Variants in KCNMA1 observed in about 807,000 individuals in gnomAD.
KCNMA1 encodes Calcium-activated potassium channel subunit alpha-1.
A neutral mutation model predicts 140.0 loss-of-function variants in KCNMA1; 29 were observed. The observed-to-expected ratio is 0.21, with a 90% CI of 0.15 to 0.28. The LOEUF (loss-of-function observed/expected upper bound fraction) is 0.28. Ranked by LOEUF, KCNMA1 falls within the 10% of genes least tolerant of loss-of-function variation. The pLI, the probability that KCNMA1 is intolerant of heterozygous loss-of-function variation, is 1.00. For synonymous variants in KCNMA1, 612 were observed against 611.9 expected (o/e 1.00, Z 0.00); for missense variants, 880 against 1,602.2 (o/e 0.55, Z 7.70).
intron 1 of KCNMA1, among the ~76,000 whole-genome samples, chr10:77,506,520 TAG>T (rs1328594847): frequency 1.6e-5 from 2 of 125,782 alleles, no homozygotes; most frequent in Non-Finnish European, 3.3e-5. Context: ...GAGAGAGAGT[TAG>T]AGAGAGACAG....
intron 1 of KCNMA1, among the ~76,000 whole-genome samples, chr10:77,434,423 T>C (rs200851057): frequency 1.3e-5 from 2 of 152,164 alleles, no homozygotes; most frequent in Admixed American, 6.5e-5. Context: ...ACACCATCCC[T>C]GAGAGAACCA....
chr10:77,038,597 T>C (rs1385935556), intron 15 of KCNMA1, among the ~76,000 whole-genome samples: 18 of 152,154 alleles, frequency 1.2e-4, no homozygotes, highest in Non-Finnish European at 1.5e-5. Flanking sequence ...TGGAATGCAG[T>C]TGCGTAATCA....
chr10:77,605,044 A>G (rs1364978833), intron 1 of KCNMA1, among the ~76,000 whole-genome samples: 3 of 152,252 alleles, frequency 2.0e-5, no homozygotes. Flanking sequence ...AAACAGCCAT[A>G]AAACCCGCAG....
At position 76,913,981 on chromosome 10, in the gene KCNMA1, C is replaced by T. The variant is rs1018840774; in HGVS notation, c.3016+955G>A. On this transcript the variant is annotated intron_variant, in intron 24 of 27. Coordinates refer to ENST00000286628, the MANE Select transcript of KCNMA1 (RefSeq NM_001161352.2). ...TCTGTTACAGCCGGTGAAATAAAAA[C>T]AAGCTGATGATAGTTGGAAACACCA... 5 of 1,124,864 alleles carry T rather than the reference C, an allele frequency of 4.4e-6. No homozygotes were observed. The African/African-American group carries it at 7.8e-5, about 18-fold the overall frequency. 69.7% of individuals were successfully genotyped at this position (1,124,864 alleles called of 1,614,324 possible). A position where few individuals can be genotyped will look rare whatever the true frequency, so the allele number is the denominator to read the frequency against.
intron 1 of KCNMA1, among the ~76,000 whole-genome samples, chr10:77,473,965 C>A (rs572755407): frequency 1.1e-3 from 167 of 152,274 alleles, no homozygotes; most frequent in Non-Finnish European, 2.1e-3. Context: ...TGAACAGGTG[C>A]GCTCCTCCTC....
chr10:77,614,661 G>A lies in KCNMA1; in HGVS notation c.378+22604C>T, dbSNP rs188338439. Reference sequence around the variant, plus strand: ...CTACATGTAATGGAAACTGAGGCATGAGGAGGGTAGACAACTTGCCCAAGA... The same window carrying A: ...CTACATGTAATGGAAACTGAGGCATAAGGAGGGTAGACAACTTGCCCAAGA... On this transcript the variant is annotated intron_variant, in intron 1 of 27. Transcript: ENST00000286628. Among the ~76,000 whole-genome samples, 7 of 152,324 alleles carry A rather than the reference G, an allele frequency of 4.6e-5. 1 individual carries two copies. Among genetic ancestry groups the A allele is most frequent in the Non-Finnish European group, 1.0e-4 (7 of 68,030 alleles).
chr10:76,951,953 G>C, intron 21 of KCNMA1: 2 of 1,289,264 alleles, frequency 1.6e-6, no homozygotes, highest in Non-Finnish European at 2.2e-6. Flanking sequence ...CCAGTAACTA[G>C]AATGGTGTGT....
Position 76,886,345 on chromosome 10 carries a change from A to T in KCNMA1, c.*921T>A. Reference sequence around the variant, plus strand: ...AGGTAAGTAATTCACCTTTTAAAAGATGTAAAAGTCCCAGGAAGGCAGTTT... The same window carrying T: ...AGGTAAGTAATTCACCTTTTAAAAGTTGTAAAAGTCCCAGGAAGGCAGTTT... On this transcript the variant is annotated 3_prime_UTR_variant, in exon 28 of 28. Transcript: ENST00000286628. 2.0e-6 allele frequency: 2 copies of T among 985,038 alleles called. No individual in the cohort carries two copies. The highest frequency in any genetic ancestry group is 2.4e-6 in the Non-Finnish European group (2 of 829,602). 61.0% of individuals were successfully genotyped at this position (985,038 alleles called of 1,614,324 possible). A position where few individuals can be genotyped will look rare whatever the true frequency, so the allele number is the denominator to read the frequency against.
chr10:77,233,900 A>G (rs1314788824), intron 3 of KCNMA1, among the ~76,000 whole-genome samples: 1 of 152,174 alleles, frequency 6.6e-6, no homozygotes, highest in African/African-American at 2.4e-5. Flanking sequence ...ACCAGGGATC[A>G]TGGCAGGTTA....
chr10:77,049,486 AACT>A (rs1444474480), intron 14 of KCNMA1, among the ~76,000 whole-genome samples: 4 of 152,152 alleles, frequency 2.6e-5, no homozygotes, highest in Non-Finnish European at 5.9e-5. Context: ...ATCTGAAGAG[AACT>A]ACAATGAGGT....
chr10:77,093,420 C>A (rs2096860460), intron 9 of KCNMA1, among the ~76,000 whole-genome samples: 1 of 152,190 alleles, frequency 6.6e-6, no homozygotes, highest in African/African-American at 2.4e-5. Flanking sequence ...TGCCAATAAT[C>A]ATTTCCCTCC....
At chr10:76,952,869 C>T (rs953920141) in intron 21 of KCNMA1, among the ~76,000 whole-genome samples, 41 of 152,150 alleles carry the variant, frequency 2.7e-4, no homozygotes, top group African/African-American at 9.7e-4. Flanking sequence ...AAGGAACAGA[C>T]CCATACCAAT....
At chr10:77,084,513 GTT>G in intron 12 of KCNMA1, 122 bp downstream of exon 12, 1 of 786,898 alleles carries the variant, frequency 1.3e-6, no homozygotes, top group Non-Finnish European at 2.2e-6. Flanking sequence ...CAGCTGGTGA[GTT>G]GTACAGTGGC....
chr10:77,378,797 G>A (rs1441958967), intron 2 of KCNMA1, among the ~76,000 whole-genome samples: 1 of 152,152 alleles, frequency 6.6e-6, no homozygotes, highest in African/African-American at 2.4e-5. Flanking sequence ...CAGGACTGGT[G>A]GGACTTACCC....
At chr10:77,495,039 T>A (rs2041357249) in intron 1 of KCNMA1, among the ~76,000 whole-genome samples, 1 of 152,226 alleles carries the variant, frequency 6.6e-6, no homozygotes, top group Admixed American at 6.5e-5. Flanking sequence ...AACTTGATCA[T>A]CTGCAAAGAC....
intron 1 of KCNMA1, among the ~76,000 whole-genome samples, chr10:77,533,603 G>A (rs919829026): frequency 1.8e-4 from 27 of 151,946 alleles, no homozygotes; most frequent in African/African-American, 6.5e-4. Context: ...GCCAGGCTCT[G>A]CCCCTCCCCC....
At chr10:76,920,051 T>TATATATAC (rs1434881721) in intron 23 of KCNMA1, among the ~76,000 whole-genome samples, 4 of 116,710 alleles carry the variant, frequency 3.4e-5, no homozygotes, top group African/African-American at 1.6e-4. Flanking sequence ...TATATATATA[T>TATATATAC]ACACACAATA....
chr10:77,317,783 G>A (rs1469858285), intron 2 of KCNMA1, among the ~76,000 whole-genome samples: 1 of 152,202 alleles, frequency 6.6e-6, no homozygotes, highest in Non-Finnish European at 1.5e-5. Flanking sequence ...ATAAATTCGA[G>A]GTGATATTAA....
chr10:77,546,856 T>C (rs556244235), intron 1 of KCNMA1, among the ~76,000 whole-genome samples: 1 of 152,338 alleles, frequency 6.6e-6, no homozygotes, highest in South Asian at 2.1e-4. Context: ...CTACCTACTA[T>C]GTGTCGGGCT....
Sources: allele counts gnomAD v4.1 joint callset (sites outside exome capture counted in the v4.1 genomes callset), GRCh38; gene constraint gnomAD v4.1.1; transcripts MANE v1.5; gene names NCBI Gene and HGNC (gene_info 2026-07-23, HGNC 2026-07-21).